The following UBE2D2 variants were observed in gnomAD, a reference collection of about 807,000 sequenced individuals.
The protein encoded by UBE2D2 is ubiquitin conjugating enzyme E2 D2.
A neutral mutation model predicts 24.2 loss-of-function variants in UBE2D2; 2 were observed. That is an observed-to-expected ratio of 0.08 (90% CI 0.03 to 0.26). UBE2D2 has a LOEUF of 0.26. Among genes scored for constraint, UBE2D2 ranks in the 10% least tolerant of loss-of-function variants. The pLI, the probability that UBE2D2 is intolerant of heterozygous loss-of-function variation, is 1.00. For synonymous variants in UBE2D2, 58 were observed against 56.5 expected (o/e 1.03, Z -0.12); for missense variants, 44 against 177.6 (o/e 0.25, Z 4.28).
intron 1 of UBE2D2, among the ~76,000 whole-genome samples, chr5:139,586,310 A>T (rs960503556): frequency 1.3e-5 from 2 of 152,118 alleles, no homozygotes; most frequent in Non-Finnish European, 2.9e-5. Flanking sequence ...AACTTATAAG[A>T]TGGAACTCAC....
intron 1 of UBE2D2, among the ~76,000 whole-genome samples, chr5:139,542,451 C>A (rs960768834): frequency 6.6e-6 from 1 of 152,062 alleles, no homozygotes; most frequent in Non-Finnish European, 1.5e-5. Flanking sequence ...CTCACTGCAA[C>A]CCCGCCTCCT....
intron 1 of UBE2D2, among the ~76,000 whole-genome samples, chr5:139,577,868 A>G (rs1753513431): frequency 6.6e-6 from 1 of 152,220 alleles, no homozygotes; most frequent in Non-Finnish European, 1.5e-5. Context: ...TTAGTGTTAC[A>G]GAAGAGGGTG....
intron 1 of UBE2D2, among the ~76,000 whole-genome samples, chr5:139,530,980 C>T (rs564940679): frequency 4.6e-4 from 70 of 152,258 alleles, no homozygotes; most frequent in African/African-American, 1.6e-3. Context: ...TCAGCACAAG[C>T]ATACTATGTA....
Position 139,623,352 on chromosome 5 carries a change from AT to A in UBE2D2, c.305-9del. 6.4e-6 allele frequency: 10 copies of A among 1,557,050 alleles called. No homozygotes were observed. The highest frequency in any genetic ancestry group is 8.8e-6 in the Non-Finnish European group (10 of 1,139,874). The stretch of plus-strand genomic sequence containing the variant: ...CTTTGATCCTCTGCTAATTTATATG[AT>A]TTTTTTCATTCTAGTACTCTTGTCC... On this transcript the variant is annotated splice_polypyrimidine_tract_variant and intron_variant, in intron 5 of 6. Coordinates refer to ENST00000398733, the MANE Select transcript of UBE2D2 (RefSeq NM_003339.3).
intron 2 of UBE2D2, among the ~76,000 whole-genome samples, chr5:139,606,648 T>G (rs1230052699): frequency 6.6e-6 from 1 of 152,210 alleles, no homozygotes; most frequent in Non-Finnish European, 1.5e-5. Flanking sequence ...ACTTTTTATT[T>G]TGGTCAATTT....
At chr5:139,603,736 A>G (rs931342906) in intron 2 of UBE2D2, among the ~76,000 whole-genome samples, 2 of 151,966 alleles carry the variant, frequency 1.3e-5, no homozygotes, top group South Asian at 2.1e-4. Context: ...CAGGAATTCA[A>G]TCAAGACCAG....
intron 1 of UBE2D2, among the ~76,000 whole-genome samples, chr5:139,553,444 C>T (rs985229176): frequency 1.3e-5 from 2 of 152,102 alleles, no homozygotes; most frequent in African/African-American, 2.4e-5. Flanking sequence ...ATTTAATCTC[C>T]AGCTATATCA....
intron 1 of UBE2D2, among the ~76,000 whole-genome samples, chr5:139,544,116 A>G (rs780644911): frequency 1.7e-4 from 26 of 152,050 alleles, no homozygotes; most frequent in Non-Finnish European, 2.4e-4. Flanking sequence ...ATAACTAAGT[A>G]ACTGCTGTTA....
At chr5:139,574,725 G>C (rs1234744297) in intron 1 of UBE2D2, among the ~76,000 whole-genome samples, 1 of 148,648 alleles carries the variant, frequency 6.7e-6, no homozygotes, top group Non-Finnish European at 1.5e-5. Context: ...GCCAATATCA[G>C]GTGGGGTGGC....
chr5:139,551,851 CAT>C (rs961873915), intron 1 of UBE2D2, among the ~76,000 whole-genome samples: 6 of 152,170 alleles, frequency 3.9e-5, no homozygotes, highest in African/African-American at 1.2e-4. Context: ...TGCTAATAAA[CAT>C]AAAGTGTTAC....
In UBE2D2 at chr5:139,611,175, C is replaced by CTTTTTTT. The variant is rs60626896; in HGVS notation, c.89-3389_89-3383dup. ...TAGTTCTAGATGACAAGTTTTCCTT[C>CTTTTTTT]TTTTTTTTTTTTTTTTTTTTTTTTT... On this transcript the variant is annotated intron_variant, in intron 2 of 6. Transcript: ENST00000398733. 4.6e-4 allele frequency among the ~76,000 whole-genome samples: 27 copies of CTTTTTTT among 58,758 alleles called. 1 individual carries two copies. Among genetic ancestry groups the CTTTTTTT allele is most frequent in the African/African-American group, 1.6e-3 (24 of 14,892 alleles). 38.5% of individuals were successfully genotyped at this position (58,758 alleles called of 152,430 possible).
Position 139,623,434 on chromosome 5 carries a change from C to G in UBE2D2, c.371C>G (p.Ala124Gly). 6.2e-7 allele frequency: 1 copy of G among 1,603,704 alleles called. No individual in the cohort carries two copies. The highest frequency in any genetic ancestry group is 1.1e-5 in the South Asian group (1 of 90,132). The change falls in exon 6 of 7, where the codon GCT becomes GGT. Residue 124 changes from alanine to glycine, a missense_variant. Ala to Gly is a moderately conservative substitution (Grantham distance 60, BLOSUM62 0). Coordinates refer to ENST00000398733, the MANE Select transcript of UBE2D2 (RefSeq NM_003339.3). ...NPDDPLVPEIARIYKTDREKY... is the reference protein window; with the variant it reads ...NPDDPLVPEIGRIYKTDREKY... Reference sequence around the variant, plus strand: ...GATGATCCTTTAGTGCCTGAGATTGCTCGGATCTACAAAACAGATAGAGAA... The same window carrying G: ...GATGATCCTTTAGTGCCTGAGATTGGTCGGATCTACAAAACAGATAGAGAA...
At chr5:139,611,172 C>CTTTTT (rs1205451875) in intron 2 of UBE2D2, among the ~76,000 whole-genome samples, 1 of 132,476 alleles carries the variant, frequency 7.5e-6, no homozygotes, top group African/African-American at 2.9e-5. Context: ...ACAAGTTTTC[C>CTTTTT]TTCTTTTTTT....
At chr5:139,572,058 A>C (rs1278029653) in intron 1 of UBE2D2, among the ~76,000 whole-genome samples, 3 of 152,144 alleles carry the variant, frequency 2.0e-5, no homozygotes, top group Non-Finnish European at 4.4e-5. Flanking sequence ...TAGTCTATTC[A>C]CTGTTCTGGA....
upstream of UBE2D2, among the ~76,000 whole-genome samples, chr5:139,558,099 A>G (rs533210186): frequency 1.2e-3 from 182 of 152,222 alleles, 1 homozygote; most frequent in Middle Eastern, 6.8e-3. Flanking sequence ...AGAAAAAAAA[A>G]GAAAAAAGAT....
chr5:139,547,961 T>C (rs1399716085), intron 1 of UBE2D2, among the ~76,000 whole-genome samples: 2 of 151,602 alleles, frequency 1.3e-5, no homozygotes, highest in African/African-American at 4.8e-5. Context: ...TCCCAAAGCG[T>C]TGGGATTACA....
At chr5:139,580,907 ACT>A (rs1403354817) in intron 1 of UBE2D2, among the ~76,000 whole-genome samples, 2 of 152,116 alleles carry the variant, frequency 1.3e-5, no homozygotes, top group African/African-American at 4.8e-5. Context: ...ACAGAGTGAG[ACT>A]CTGTCTCAAA....
At chr5:139,611,105 G>A (rs1344665358) in intron 2 of UBE2D2, among the ~76,000 whole-genome samples, 2 of 151,234 alleles carry the variant, frequency 1.3e-5, no homozygotes, top group Non-Finnish European at 2.9e-5. Flanking sequence ...ACTAGTTAGC[G>A]AGAAGTTAGA....
At chr5:139,576,876 C>A (rs1220457070) in intron 1 of UBE2D2, among the ~76,000 whole-genome samples, 1 of 149,642 alleles carries the variant, frequency 6.7e-6, no homozygotes, top group Non-Finnish European at 1.5e-5. Flanking sequence ...CCACAAAAAT[C>A]TCTGTCAGTT....
Sources: gnomAD v4.1 joint callset for allele counts (sites outside exome capture counted in the v4.1 genomes callset) on GRCh38, gnomAD v4.1.1 for gene constraint, MANE v1.5 for transcripts, NCBI Gene and HGNC (gene_info 2026-07-23, HGNC 2026-07-21) for gene names.